CLOCK: variants seen among roughly 807,000 people sequenced by gnomAD.
CLOCK encodes the protein clock circadian regulator.
Under a neutral mutation model 118.4 loss-of-function variants are expected in CLOCK, and 43 were observed. That is an observed-to-expected ratio of 0.36 (90% CI 0.28 to 0.47). The LOEUF (loss-of-function observed/expected upper bound fraction) is 0.47, where lower values mean the gene tolerates loss of function less well. Ranked by LOEUF, CLOCK falls within the 20% of genes least tolerant of loss-of-function variation. The pLI is 1.00. For missense variants in CLOCK, 846 were observed against 999.9 expected (o/e 0.85, Z 2.08); for synonymous variants, 326 against 339.2 (o/e 0.96, Z 0.43).
At chr4:55,523,409 C>T (rs1560476582) in intron 1 of CLOCK, among the ~76,000 whole-genome samples, 1 of 152,144 alleles carries the variant, frequency 6.6e-6, no homozygotes, top group Non-Finnish European at 1.5e-5. Context: ...ACAGTCATCA[C>T]TATTTACACC....
intron 1 of CLOCK, among the ~76,000 whole-genome samples, chr4:55,513,253 A>G (rs1432238317): frequency 6.6e-6 from 1 of 152,138 alleles, no homozygotes; most frequent in African/African-American, 2.4e-5. Context: ...TTATATTAAA[A>G]TTACCTATAG....
intron 1 of CLOCK, among the ~76,000 whole-genome samples, chr4:55,528,303 G>A (rs1169031573): frequency 6.6e-6 from 1 of 151,708 alleles, no homozygotes. Context: ...CCGAGATCAT[G>A]CCATTGCTCT....
intron 2 of CLOCK, among the ~76,000 whole-genome samples, chr4:55,499,222 C>G (rs1416899011): frequency 1.3e-5 from 2 of 151,924 alleles, no homozygotes; most frequent in African/African-American, 4.8e-5. Context: ...TTTACTGTTT[C>G]TTTGTATGTC....
chr4:55,483,855 T>G (rs190841207), intron 3 of CLOCK, among the ~76,000 whole-genome samples: 2 of 152,194 alleles, frequency 1.3e-5, no homozygotes. Flanking sequence ...GAAGTAAAAC[T>G]TACTGCTTTA....
At chr4:55,508,694 G>A (rs943839667) in intron 2 of CLOCK, among the ~76,000 whole-genome samples, 3 of 151,742 alleles carry the variant, frequency 2.0e-5, no homozygotes, top group Admixed American at 1.3e-4. Flanking sequence ...CCGGGTTCAC[G>A]CCATTCTTCT....
chr4:55,532,451 T>C (rs1577867950), intron 1 of CLOCK, among the ~76,000 whole-genome samples: 1 of 152,108 alleles, frequency 6.6e-6, no homozygotes, highest in African/African-American at 2.4e-5. Context: ...TACTAATACA[T>C]GATTTCAGCA....
intron 22 of CLOCK, 64 bp downstream of exon 22, chr4:55,438,218 A>G: frequency 6.4e-7 from 1 of 1,562,658 alleles, no homozygotes; most frequent in African/African-American, 1.4e-5. Flanking sequence ...CTGTTCACTT[A>G]ATGCTTAATT....
chr4:55,475,708 T>C (rs911954265), intron 7 of CLOCK, among the ~76,000 whole-genome samples: 1 of 152,202 alleles, frequency 6.6e-6, no homozygotes, highest in African/African-American at 2.4e-5. Flanking sequence ...GCTCAGATGA[T>C]TGTTAGCATT....
At chr4:55,469,571 C>T (rs1025991921) in intron 8 of CLOCK, among the ~76,000 whole-genome samples, 1 of 152,006 alleles carries the variant, frequency 6.6e-6, no homozygotes, top group Non-Finnish European at 1.5e-5. Flanking sequence ...ATCCTGACCC[C>T]GCGTAGGCCT....
chr4:55,477,858 C>A (rs1444666887), intron 6 of CLOCK, among the ~76,000 whole-genome samples: 1 of 151,748 alleles, frequency 6.6e-6, no homozygotes, highest in Non-Finnish European at 1.5e-5. Context: ...GGAGAAAGTA[C>A]AATATAAGGG....
intron 3 of CLOCK, among the ~76,000 whole-genome samples, chr4:55,486,237 T>C (rs1172912150): frequency 2.0e-5 from 3 of 152,232 alleles, no homozygotes; most frequent in East Asian, 3.8e-4. Context: ...CCTAGTTTTG[T>C]TTATACTTAC....
In CLOCK at chr4:55,539,572, C is replaced by A. The variant is rs1249034397; in HGVS notation, c.-290+7210G>T. 4.8e-4 allele frequency among the ~76,000 whole-genome samples: 25 copies of A among 52,064 alleles called. 1 individual carries two copies. Among genetic ancestry groups the A allele is most frequent in the South Asian group, 1.4e-3 (1 of 736 alleles). 34.2% of individuals were successfully genotyped at this position (52,064 alleles called of 152,430 possible). A position where few individuals can be genotyped will look rare whatever the true frequency, so the allele number is the denominator to read the frequency against. On this transcript the variant is annotated intron_variant, in intron 1 of 22. Transcript: ENST00000513440. The stretch of plus-strand genomic sequence containing the variant: ...TGGGTGCCAGAGTGAGACCTTGTCT[C>A]AAAAAAAAAAAAAAAAAAAAAAAAA...
intron 21 of CLOCK, among the ~76,000 whole-genome samples, chr4:55,442,069 G>A (rs1326548396): frequency 1.3e-5 from 2 of 151,928 alleles, no homozygotes; most frequent in Non-Finnish European, 2.9e-5. Flanking sequence ...ACTTAAAAAA[G>A]GTAAGCTACC....
chr4:55,463,758 T>C lies in CLOCK; in HGVS notation c.486A>G (p.Glu162=). 1 of 1,612,232 alleles carries C rather than the reference T, an allele frequency of 6.2e-7. No homozygotes were observed. Among genetic ancestry groups the C allele is most frequent in the East Asian group, 2.2e-5 (1 of 44,678 alleles). ...AGAGTATTTTATAAACCTCTGAATG[T>C]TCCCCTTCTGGGATAAAATTAAATA... ...QSIFNFIPEG[E]HSEVYKILST... is the part of the protein sequence containing the mutation. Residue 162 remains glutamate, a synonymous_variant, in exon 9 of 23, where the codon GAA becomes GAG. Transcript: ENST00000513440.
At chr4:55,451,809 C>A (rs1439553320) in intron 15 of CLOCK, among the ~76,000 whole-genome samples, 1 of 152,154 alleles carries the variant, frequency 6.6e-6, no homozygotes, top group Non-Finnish European at 1.5e-5. Flanking sequence ...TCTAAACATA[C>A]AAAACCTCTT....
chr4:55,440,563 C>T (rs3805147), intron 21 of CLOCK, among the ~76,000 whole-genome samples: 104,685 of 151,966 alleles, frequency 0.69, 36,322 homozygotes, highest in South Asian at 0.81. Flanking sequence ...CTATTTTATA[C>T]ACTACACAAC....
chr4:55,521,931 A>G (rs1297680869), intron 1 of CLOCK, among the ~76,000 whole-genome samples: 2 of 152,228 alleles, frequency 1.3e-5, no homozygotes, highest in African/African-American at 4.8e-5. Flanking sequence ...CCTACAAATA[A>G]TCAAGCCTTA....
At chr4:55,514,939 A>G (rs187540818) in intron 1 of CLOCK, among the ~76,000 whole-genome samples, 10 of 152,340 alleles carry the variant, frequency 6.6e-5, no homozygotes, top group Admixed American at 6.5e-4. Flanking sequence ...CTTGCAAAAG[A>G]GAATGTTAAC....
chr4:55,481,929 A>G (rs1440041832), intron 4 of CLOCK, among the ~76,000 whole-genome samples: 1 of 152,182 alleles, frequency 6.6e-6, no homozygotes, highest in African/African-American at 2.4e-5. Flanking sequence ...TTGCTGTCAG[A>G]GTAGATGCTT....
Sources: gnomAD v4.1 joint callset for allele counts (sites outside exome capture counted in the v4.1 genomes callset) on GRCh38, gnomAD v4.1.1 for gene constraint, MANE v1.5 for transcripts, NCBI Gene and HGNC (gene_info 2026-07-23, HGNC 2026-07-21) for gene names.